NLN: variants seen among roughly 807,000 people sequenced by gnomAD.
The protein encoded by NLN is neurolysin, mitochondrial.
Under a neutral mutation model 79.9 loss-of-function variants are expected in NLN, and 64 were observed. That is an observed-to-expected ratio of 0.80 (90% confidence interval 0.65 to 0.99). The LOEUF (loss-of-function observed/expected upper bound fraction) is 0.99. NLN is among the 50% of genes least tolerant of loss of function. The pLI, the probability that NLN is intolerant of heterozygous loss-of-function variation, is 0.00. For missense variants in NLN, 835 were observed against 858.7 expected (o/e 0.97, Z 0.34); for synonymous variants, 267 against 296.6 (o/e 0.90, Z 1.02).
chr5:65,824,049 G>GTCTAAAT lies in NLN; in HGVS notation c.*1137_*1143dup, dbSNP rs1156574649. ...CTATCTTTAACTCTCTTTATTGTGA[G>GTCTAAAT]TCTAAATTCCAATTCTGCAGCAGAT... On this transcript the variant is annotated 3_prime_UTR_variant, in exon 13 of 13. Coordinates refer to ENST00000380985, the MANE Select transcript of NLN (RefSeq NM_020726.5). 1 of 151,954 alleles carries GTCTAAAT rather than the reference G, an allele frequency of 6.6e-6. No individual in the cohort carries two copies. Among genetic ancestry groups the GTCTAAAT allele is most frequent in the South Asian group, 2.1e-4 (1 of 4,822 alleles). 9.4% of individuals were successfully genotyped at this position (151,954 alleles called of 1,614,324 possible). A position where few individuals can be genotyped will look rare whatever the true frequency, so the allele number is the denominator to read the frequency against.
intron 1 of NLN, among the ~76,000 whole-genome samples, chr5:65,731,810 G>A (rs2150733517): frequency 7.3e-6 from 1 of 136,446 alleles, no homozygotes; most frequent in South Asian, 2.5e-4. Flanking sequence ...GAGTATAGTG[G>A]AACAATCTCA....
chr5:65,792,960 A>G (rs969082012), intron 9 of NLN: 1 of 410,000 alleles, frequency 2.4e-6, no homozygotes, highest in Non-Finnish European at 4.7e-6. Flanking sequence ...TAGGAATTTG[A>G]TATAAATTTC....
intron 9 of NLN, among the ~76,000 whole-genome samples, chr5:65,794,563 C>T (rs747586904): frequency 6.6e-6 from 1 of 151,958 alleles, no homozygotes; most frequent in Non-Finnish European, 1.5e-5. Flanking sequence ...TGTGATCGCG[C>T]CACTGCTCTC....
chr5:65,726,434 A>G (rs1758473812), intron 1 of NLN, among the ~76,000 whole-genome samples: 1 of 152,232 alleles, frequency 6.6e-6, no homozygotes, highest in African/African-American at 2.4e-5. Flanking sequence ...CTGAAGTACC[A>G]ACAGTATTAT....
In NLN at chr5:65,722,387, G is replaced by A; in HGVS notation, c.14G>A (p.Cys5Tyr). 6.3e-7 allele frequency: 1 copy of A among 1,589,816 alleles called. No homozygotes were observed. The highest frequency in any genetic ancestry group is 8.5e-7 in the Non-Finnish European group (1 of 1,169,846). ...CTCAGCGCTCCCATGATCGCCCGGTGCCTTTTGGCTGTGCGAAGCCTCCGC... is the reference window on the plus strand; with the variant it reads ...CTCAGCGCTCCCATGATCGCCCGGTACCTTTTGGCTGTGCGAAGCCTCCGC... MIARCLLAVRSLRRV... is the reference protein window; with the variant it reads MIARYLLAVRSLRRV... Residue 5 changes from cysteine to tyrosine, a missense_variant, in exon 1 of 13, where the codon TGC becomes TAC. Coordinates refer to ENST00000380985, the MANE Select transcript of NLN (RefSeq NM_020726.5).
At chr5:65,741,885 A>G (rs1192695597) in intron 1 of NLN, among the ~76,000 whole-genome samples, 1 of 152,178 alleles carries the variant, frequency 6.6e-6, no homozygotes, top group Non-Finnish European at 1.5e-5. Flanking sequence ...TAGAACCTAT[A>G]ATCATTAAGT....
At chr5:65,788,580 A>G (rs539227874) in intron 8 of NLN, 96 bp downstream of exon 8, 2 of 1,277,026 alleles carry the variant, frequency 1.6e-6, no homozygotes, top group East Asian at 4.7e-5. Context: ...TCATGCCTGT[A>G]ATCCCAACAC....
intron 3 of NLN, 85 bp downstream of exon 3, chr5:65,763,193 G>T: frequency 8.6e-7 from 1 of 1,168,762 alleles, no homozygotes; most frequent in South Asian, 1.4e-5. Context: ...CATACTGACT[G>T]GATTTTCTTA....
At chr5:65,729,663 C>T (rs926786986) in intron 1 of NLN, among the ~76,000 whole-genome samples, 8 of 152,178 alleles carry the variant, frequency 5.3e-5, no homozygotes, top group Non-Finnish European at 1.2e-4. Context: ...CGTGAACCAC[C>T]GTGCTCCGCC....
rs577608993 is a variant in NLN, at chr5:65,736,915, A to G, written c.41+14501A>G. On this transcript the variant is annotated intron_variant, in intron 1 of 12. Transcript: ENST00000380985. ...CGGAAGTTTGACACCTGCCTGGGCT[A>G]TATAGGAACACCCTGTATCTACAAA... Among the ~76,000 whole-genome samples, 10 of 152,242 alleles carry G rather than the reference A, an allele frequency of 6.6e-5. No homozygotes were observed. The East Asian group carries it at 1.4e-3, about 21-fold the overall frequency.
chr5:65,819,192 C>A (rs1299902502), intron 12 of NLN, among the ~76,000 whole-genome samples: 2 of 152,048 alleles, frequency 1.3e-5, no homozygotes, highest in African/African-American at 4.8e-5. Context: ...ACCAGGAATG[C>A]ATTTGTTTCC....
At chr5:65,738,979 ATT>A (rs1758805372) in intron 1 of NLN, among the ~76,000 whole-genome samples, 1 of 22,726 alleles carries the variant, frequency 4.4e-5, no homozygotes, top group Non-Finnish European at 8.7e-5. Context: ...AAATATATAT[ATT>A]ATATATTTAT....
At chr5:65,798,364 G>C (rs1760212782) in intron 9 of NLN, among the ~76,000 whole-genome samples, 1 of 152,198 alleles carries the variant, frequency 6.6e-6, no homozygotes, top group South Asian at 2.1e-4. Context: ...ATGCACTGGA[G>C]ACAATACTAT....
At position 65,722,226 on chromosome 5, in the gene NLN, G is replaced by C; in HGVS notation, c.-148G>C. On this transcript the variant is annotated 5_prime_UTR_variant, in exon 1 of 13. Transcript: ENST00000380985. The stretch of plus-strand genomic sequence containing the variant: ...TGGTAGGCGCCGGCGTGGAGCTGCC[G>C]CACGTGGGAGGGCGCTGGCCAGGCA... The C allele has an allele frequency of 2.3e-6, 1 of 426,962 alleles. No homozygotes were observed. Among genetic ancestry groups the C allele is most frequent in the Non-Finnish European group, 4.0e-6 (1 of 252,674 alleles). The allele number at this position is 426,962 out of a possible 1,614,324, so 26.4% of individuals were successfully genotyped here.
chr5:65,820,717 T>TC (rs1561216362), intron 12 of NLN, among the ~76,000 whole-genome samples: 1 of 124,924 alleles, frequency 8.0e-6, no homozygotes, highest in Non-Finnish European at 1.8e-5. Flanking sequence ...AAATGACATG[T>TC]TTTTTTTTGT....
intron 3 of NLN, among the ~76,000 whole-genome samples, chr5:65,772,960 T>G (rs1759601693): frequency 6.6e-6 from 1 of 151,364 alleles, no homozygotes; most frequent in African/African-American, 2.4e-5. Context: ...TTTGTTTTTT[T>G]TTTTTTTAAA....
chr5:65,754,908 A>G (rs554204480), intron 1 of NLN, among the ~76,000 whole-genome samples: 35 of 151,570 alleles, frequency 2.3e-4, no homozygotes, highest in South Asian at 2.1e-4. Context: ...CTTCCTTTCT[A>G]CTCCCGGGAT....
chr5:65,821,196 C>A (rs1446769985), intron 12 of NLN, among the ~76,000 whole-genome samples: 1 of 152,108 alleles, frequency 6.6e-6, no homozygotes, highest in Non-Finnish European at 1.5e-5. Flanking sequence ...TGACTGAGTG[C>A]CTTCTCTTAA....
chr5:65,812,228 T>A, intron 11 of NLN, 27 bp from the exon 12 acceptor site: 1 of 1,608,762 alleles, frequency 6.2e-7, no homozygotes, highest in Non-Finnish European at 8.5e-7. Flanking sequence ...TGCTATCACA[T>A]TGATTGAAAT....
Sources: gnomAD v4.1 joint callset for allele counts (sites outside exome capture counted in the v4.1 genomes callset) on GRCh38, gnomAD v4.1.1 for gene constraint, MANE v1.5 for transcripts, NCBI Gene and HGNC (gene_info 2026-07-23, HGNC 2026-07-21) for gene names.